ZNF689: variants seen among roughly 807,000 people sequenced by gnomAD.
ZNF689 encodes the protein short ORF-encoded histone-binding protein.
A neutral mutation model predicts 37.2 loss-of-function variants in ZNF689; 14 were observed. That is an observed-to-expected ratio of 0.38 (90% confidence interval 0.25 to 0.59). The LOEUF is 0.59. ZNF689 is among the 20% of genes least tolerant of loss of function. The pLI is 0.68. For synonymous variants in ZNF689, 277 were observed against 283.3 expected (o/e 0.98, Z 0.22); for missense variants, 573 against 700.2 (o/e 0.82, Z 2.05).
At chr16:30,609,375 GC>G in intron 2 of ZNF689, 149 bp downstream of exon 2, 1 of 603,058 alleles carries the variant, frequency 1.7e-6, no homozygotes. Flanking sequence ...TGGTGGACCG[GC>G]CCCACACCAC....
At chr16:30,607,917 G>A (rs936219935) in intron 2 of ZNF689, among the ~76,000 whole-genome samples, 2 of 152,176 alleles carry the variant, frequency 1.3e-5, no homozygotes, top group Non-Finnish European at 2.9e-5. Context: ...AGCTGAGATC[G>A]TGCCACTGCA....
chr16:30,609,466 C>T lies in ZNF689; in HGVS notation c.319+59G>A, dbSNP rs569756862. The stretch of plus-strand genomic sequence containing the variant: ...GCCCAACCAAAACTCTGGACAGAGC[C>T]GTTAGAGGTAGAACGTTATAGGAGG... On this transcript the variant is annotated intron_variant, in intron 2 of 2. Transcript: ENST00000287461. The T allele has an allele frequency of 2.0e-5, 30 of 1,508,770 alleles. 1 individual carries two copies. The East Asian group carries it at 6.1e-4, about 31-fold the overall frequency. The allele number at this position is 1,508,770 out of a possible 1,614,324, so 93.5% of individuals were successfully genotyped here. A position where few individuals can be genotyped will look rare whatever the true frequency, so the allele number is the denominator to read the frequency against.
rs2052030950 is a variant in ZNF689, at chr16:30,605,840, C to T, written c.320-393G>A. 6.6e-6 allele frequency among the ~76,000 whole-genome samples: 1 copy of T among 151,448 alleles called. No individual in the cohort carries two copies. Among genetic ancestry groups the T allele is most frequent in the Non-Finnish European group, 1.5e-5 (1 of 67,860 alleles). ...GGGCGTGGTGGCACGCACCTGTAAT[C>T]CCAGCTACCCAGAAGGCTGAGGCAG... On this transcript the variant is annotated intron_variant, in intron 2 of 2. Transcript: ENST00000287461. This position sits in a 1 kb window ranked among gnomAD's most constrained non-coding sequence, Gnocchi z 5.1.
In ZNF689 at chr16:30,603,834, G is replaced by A. The variant is rs2052005516; in HGVS notation, c.*430C>T. 3.0e-6 allele frequency: 1 copy of A among 335,670 alleles called. No individual in the cohort carries two copies. 20.8% of individuals were successfully genotyped at this position (335,670 alleles called of 1,614,324 possible). A position where few individuals can be genotyped will look rare whatever the true frequency, so the allele number is the denominator to read the frequency against. Reference sequence around the variant, plus strand: ...GGGTAGAAGACCACTTGGCAGGAGTGTTGCAAAAAGTGGGCTAAACCAGAT... The same window carrying A: ...GGGTAGAAGACCACTTGGCAGGAGTATTGCAAAAAGTGGGCTAAACCAGAT... On this transcript the variant is annotated 3_prime_UTR_variant, in exon 3 of 3. Coordinates refer to ENST00000287461, the MANE Select transcript of ZNF689 (RefSeq NM_138447.3).
chr16:30,604,792 G>C lies in ZNF689; in HGVS notation c.975C>G (p.Arg325=). ...KPYPCPDCER[R]FSSSSRLVSH... ...TGACCAGGCGAGAGGAGGAGGAGAA[G>C]CGCCGCTCGCAGTCCGGGCACGGGT... The change falls in exon 3 of 3, where the codon CGC becomes CGG. Residue 325 remains arginine (R), a synonymous_variant. Coordinates refer to ENST00000287461, the MANE Select transcript of ZNF689 (RefSeq NM_138447.3). The surrounding 1 kb of genome is among the most constrained non-coding windows in gnomAD (Gnocchi z 5.2). 1 of 1,609,706 alleles carries C rather than the reference G, an allele frequency of 6.2e-7. No individual in the cohort carries two copies. The highest frequency in any genetic ancestry group is 8.5e-7 in the Non-Finnish European group (1 of 1,177,886).
chr16:30,605,160 A>G lies in ZNF689; in HGVS notation c.607T>C (p.Cys203Arg), dbSNP rs1398692098. The G allele has an allele frequency of 6.2e-7, 1 of 1,609,986 alleles. No homozygotes were observed. The highest frequency in any genetic ancestry group is 8.5e-7 in the Non-Finnish European group (1 of 1,178,652). Reference sequence around the variant, plus strand: ...CCACACTGGTCACAAACATAGGGGCACTCGCCGGAGTGTGCCCGCCGGTGA... The same window carrying G: ...CCACACTGGTCACAAACATAGGGGCGCTCGCCGGAGTGTGCCCGCCGGTGA... ...VSHRRAHSGE[C>R]PYVCDQCGKR... Residue 203 changes from cysteine (C) to arginine (R), a missense_variant, in exon 3 of 3, where the codon TGC (cysteine) becomes CGC (arginine). Physicochemically the swap from Cys to Arg is radical, Grantham distance 180. Around this residue, in one of 3 missense-constraint regions of ZNF689, gnomAD observed 252 missense variants for 313.3 expected, o/e 0.80. Transcript: ENST00000287461. This position sits in a 1 kb window ranked among gnomAD's most constrained non-coding sequence, Gnocchi z 5.1.
Position 30,604,697 on chromosome 16 carries a change from C to G in ZNF689, c.1070G>C (p.Arg357Pro). The stretch of plus-strand genomic sequence containing the variant: ...GAGCTGGTGCTGGAGCAGCGTGCTG[C>G]GCTGGGAGAAGCGGGCCTCACAGTG... ...CEHCEARFSQ[R>P]STLLQHQLLH... Residue 357 changes from arginine to proline, a missense_variant, in exon 3 of 3, where the codon CGC becomes CCC. Coordinates refer to ENST00000287461, the MANE Select transcript of ZNF689 (RefSeq NM_138447.3). The surrounding 1 kb of genome is among the most constrained non-coding windows in gnomAD (Gnocchi z 5.2). 1 of 1,608,796 alleles carries G rather than the reference C, an allele frequency of 6.2e-7. No individual in the cohort carries two copies. The highest frequency in any genetic ancestry group is 8.5e-7 in the Non-Finnish European group (1 of 1,178,784).
intron 2 of ZNF689, among the ~76,000 whole-genome samples, chr16:30,607,895 G>A (rs2052051276): frequency 6.6e-6 from 1 of 152,218 alleles, no homozygotes; most frequent in South Asian, 2.1e-4. Context: ...CCGGGAGCAA[G>A]AGGTTACAGT....
chr16:30,604,696 G>A lies in ZNF689; in HGVS notation c.1071C>T (p.Arg357=), dbSNP rs780723987. 6.2e-7 allele frequency: 1 copy of A among 1,609,014 alleles called. No individual in the cohort carries two copies. The highest frequency in any genetic ancestry group is 8.5e-7 in the Non-Finnish European group (1 of 1,178,812). Residue 357 remains arginine, a synonymous_variant, in exon 3 of 3, where the codon CGC becomes CGT. Transcript: ENST00000287461. This position sits in a 1 kb window ranked among gnomAD's most constrained non-coding sequence, Gnocchi z 5.2. ...CEHCEARFSQ[R]STLLQHQLLH... The stretch of plus-strand genomic sequence containing the variant: ...AGAGCTGGTGCTGGAGCAGCGTGCT[G>A]CGCTGGGAGAAGCGGGCCTCACAGT...
chr16:30,607,854 C>A (rs1411137751), intron 2 of ZNF689, among the ~76,000 whole-genome samples: 1 of 152,162 alleles, frequency 6.6e-6, no homozygotes, highest in Non-Finnish European at 1.5e-5. Flanking sequence ...CCCACCTACT[C>A]CAGAGGCTGA....
intron 2 of ZNF689, among the ~76,000 whole-genome samples, chr16:30,606,175 C>T (rs909414642): frequency 6.6e-6 from 1 of 151,866 alleles, no homozygotes; most frequent in Admixed American, 6.6e-5. Flanking sequence ...GCACGCGTGC[C>T]TGCCTGTAGT....
At chr16:30,609,469 T>C (rs1229106698) in intron 2 of ZNF689, 56 bp downstream of exon 2, 1 of 1,522,306 alleles carries the variant, frequency 6.6e-7, no homozygotes, top group Non-Finnish European at 9.1e-7. Flanking sequence ...ACAGAGCCGT[T>C]AGAGGTAGAA....
rs1343044763 is a variant in ZNF689, at chr16:30,602,993, C to T, written c.*1271G>A. ...GGATACAACTTGATGACTATAGACT[C>T]TTCCTCTCTGGATTCAGTTCCCTCT... On this transcript the variant is annotated 3_prime_UTR_variant, in exon 3 of 3. Transcript: ENST00000287461. The T allele has an allele frequency of 2.0e-5, 3 of 152,240 alleles. No individual in the cohort carries two copies. Among genetic ancestry groups the T allele is most frequent in the Non-Finnish European group, 4.4e-5 (3 of 68,052 alleles). The allele number at this position is 152,240 out of a possible 1,614,324, so 9.4% of individuals were successfully genotyped here. A position where few individuals can be genotyped will look rare whatever the true frequency, so the allele number is the denominator to read the frequency against.
chr16:30,605,013 G>A lies in ZNF689; in HGVS notation c.754C>T (p.Arg252Trp). 1 of 1,608,528 alleles carries A rather than the reference G, an allele frequency of 6.2e-7. No individual in the cohort carries two copies. Among genetic ancestry groups the A allele is most frequent in the Non-Finnish European group, 8.5e-7 (1 of 1,176,558 alleles). ...FRRSRSLANH[R>W]TTHTGEKPHQ... ...GGTTTTTCACCTGTGTGTGTGGTCCGGTGATTGGCCAAGGACCGGCTCCTC... is the reference window on the plus strand; with the variant it reads ...GGTTTTTCACCTGTGTGTGTGGTCCAGTGATTGGCCAAGGACCGGCTCCTC... Residue 252 changes from arginine to tryptophan, a missense_variant, in exon 3 of 3, where the codon CGG becomes TGG. Around this residue, in one of 3 missense-constraint regions of ZNF689, gnomAD observed 317 missense variants for 367.1 expected, o/e 0.86. Transcript: ENST00000287461. The surrounding 1 kb of genome is among the most constrained non-coding windows in gnomAD (Gnocchi z 5.1).
chr16:30,604,903 G>A lies in ZNF689; in HGVS notation c.864C>T (p.Pro288=). Residue 288 remains proline (P), a synonymous_variant, in exon 3 of 3, where the codon CCC becomes CCT. Transcript: ENST00000287461. The surrounding 1 kb of genome is among the most constrained non-coding windows in gnomAD (Gnocchi z 5.2). ...GGCGGTTGCACTCGAGGCAAGTGTA[G>A]GGCTTCTCTCCCGTGTGTGTACGCT... The part of the protein sequence containing the change: ...IHQRTHTGEK[P]YTCLECNRRF... 6.3e-7 allele frequency: 1 copy of A among 1,576,062 alleles called. No homozygotes were observed.
chr16:30,609,934 C>T lies in ZNF689; in HGVS notation c.108G>A (p.Val36=). Reference sequence around the variant, plus strand: ...AGCCCCACTCCTCCGGGGAGAAGTACACGGCCACGTCCACGAACTTCAGAG... The same window carrying T: ...AGCCCCACTCCTCCGGGGAGAAGTATACGGCCACGTCCACGAACTTCAGAG... ...PRALKFVDVA[V]YFSPEEWGCL... The change falls in exon 1 of 3, where the codon GTG becomes GTA. Residue 36 remains valine, a synonymous_variant. Coordinates refer to ENST00000287461, the MANE Select transcript of ZNF689 (RefSeq NM_138447.3). The T allele has an allele frequency of 6.2e-7, 1 of 1,612,816 alleles. No individual in the cohort carries two copies. Among genetic ancestry groups the T allele is most frequent in the Non-Finnish European group, 8.5e-7 (1 of 1,179,656 alleles).
rs1456728422 is a variant in ZNF689 at position 30,604,780 on chromosome 16, G to C, written c.987C>G (p.Ser329=). The change falls in exon 3 of 3, where the codon TCC becomes TCG. Residue 329 remains serine, a synonymous_variant. Transcript: ENST00000287461. This position sits in a 1 kb window ranked among gnomAD's most constrained non-coding sequence, Gnocchi z 5.2. ...CACGCCGGTGACTGACCAGGCGAGA[G>C]GAGGAGGAGAAGCGCCGCTCGCAGT... is the stretch of plus-strand genomic sequence containing the variant. The part of the protein sequence containing the change: ...CPDCERRFSS[S]SRLVSHRRVH... 5 of 1,605,734 alleles carry C rather than the reference G, an allele frequency of 3.1e-6. No individual in the cohort carries two copies. The East Asian group carries it at 1.1e-4, about 36-fold the overall frequency.
Position 30,604,408 on chromosome 16 carries a change from C to A in ZNF689, c.1359G>T (p.Gly453=), listed in dbSNP as rs922541001. The change falls in exon 3 of 3, where the codon GGG becomes GGT. Residue 453 remains glycine, a synonymous_variant. Transcript: ENST00000287461. The surrounding 1 kb of genome is among the most constrained non-coding windows in gnomAD (Gnocchi z 5.2). ...ACTCGAGGCAGGGGAAAGGCTTCTC[C>A]CCCGTGTGCAGCAGCTGGTGCTGGG... ...HLAQHQLLHT[G]EKPFPCLECG... is the part of the protein sequence containing the mutation. 1.2e-6 allele frequency: 2 copies of A among 1,613,616 alleles called. No homozygotes were observed. Among genetic ancestry groups the A allele is most frequent in the Middle Eastern group, 1.6e-4 (1 of 6,062 alleles).
rs1400195529 is a variant in ZNF689 at position 30,605,105 on chromosome 16, G to A, written c.662C>T (p.Ser221Phe). The A allele has an allele frequency of 6.2e-7, 1 of 1,613,762 alleles. No homozygotes were observed. The highest frequency in any genetic ancestry group is 8.5e-7 in the Non-Finnish European group (1 of 1,179,940). ...CCCTGTATGGATGACCTGGTGCTGG[G>A]AGAGGTTCTTGCGCTGGGAGAAACG... Reference protein sequence around the residue: ...GKRFSQRKNLSQHQVIHTGEK... With the variant: ...GKRFSQRKNLFQHQVIHTGEK... The change falls in exon 3 of 3, where the codon TCC (serine) becomes TTC (phenylalanine). Residue 221 changes from serine to phenylalanine, a missense_variant. By Grantham distance (155) the Ser-to-Phe change is radical. Transcript: ENST00000287461. The surrounding 1 kb of genome is among the most constrained non-coding windows in gnomAD (Gnocchi z 5.1).
Sources: gnomAD v4.1 joint callset for allele counts (sites outside exome capture counted in the v4.1 genomes callset) on GRCh38, gnomAD v4.1.1 for gene constraint, gnomAD v4.1.1 regional missense constraint, Gnocchi (gnomAD v3.1) non-coding constraint, MANE v1.5 for transcripts, NCBI Gene and HGNC (gene_info 2026-07-23, HGNC 2026-07-21) for gene names.